ZCCHC17: variants seen among roughly 807,000 people sequenced by gnomAD.
The protein encoded by ZCCHC17 is zinc finger CCHC domain-containing protein 17.
A neutral mutation model predicts 30.6 loss-of-function variants in ZCCHC17; 18 were observed. That is an observed-to-expected ratio of 0.59 (90% confidence interval 0.41 to 0.87). The LOEUF is 0.87. Ranked by LOEUF, ZCCHC17 falls within the 40% of genes least tolerant of loss-of-function variation. The pLI is 0.00. For missense variants in ZCCHC17, 263 were observed against 284.2 expected, an observed-to-expected ratio of 0.93 and a Z score of 0.54; for synonymous variants, 88 against 92.4, an observed-to-expected ratio of 0.95 and a Z score of 0.27.
chr1:31,319,938 TA>T (rs1569801772), intron 3 of ZCCHC17, among the ~76,000 whole-genome samples: 1 of 152,200 alleles, frequency 6.6e-6, no homozygotes, highest in African/African-American at 2.4e-5. Flanking sequence ...ACATGAAAAT[TA>T]AAAACTTCAC....
At chr1:31,299,610 G>T (rs539338649) in intron 1 of ZCCHC17, among the ~76,000 whole-genome samples, 1 of 152,346 alleles carries the variant, frequency 6.6e-6, no homozygotes, top group Admixed American at 6.5e-5. Context: ...ATAGCTCCCT[G>T]GTTTGGTGGC....
intron 4 of ZCCHC17, among the ~76,000 whole-genome samples, chr1:31,337,588 T>C (rs749659441): frequency 1.3e-4 from 20 of 152,164 alleles, no homozygotes; most frequent in Non-Finnish European, 2.6e-4. Flanking sequence ...AGTTGACCTA[T>C]GGGACAAGTG....
chr1:31,322,068 A>C (rs1017992217), intron 3 of ZCCHC17, among the ~76,000 whole-genome samples: 1 of 152,230 alleles, frequency 6.6e-6, no homozygotes, highest in Non-Finnish European at 1.5e-5. Context: ...AAATACATAC[A>C]CATACAGAAA....
rs986830558 is a variant in ZCCHC17 at position 31,309,667 on chromosome 1, C to A, written c.-55-377C>A. ...TCTAGTGCTTAGCACAGTGCCTGGA[C>A]ATAGTAAGTGCTGCATTAATGTTTT... On this transcript the variant is annotated intron_variant, in intron 1 of 7. Coordinates refer to ENST00000344147, the MANE Select transcript of ZCCHC17 (RefSeq NM_016505.4). Among the ~76,000 whole-genome samples, 12 of 152,258 alleles carry A rather than the reference C, an allele frequency of 7.9e-5. No individual in the cohort carries two copies. The South Asian group carries it at 2.5e-3, about 32-fold the overall frequency.
At chr1:31,344,768 A>C (rs1381969435) in intron 5 of ZCCHC17, among the ~76,000 whole-genome samples, 1 of 152,234 alleles carries the variant, frequency 6.6e-6, no homozygotes, top group Non-Finnish European at 1.5e-5. Flanking sequence ...CTTGAAACTC[A>C]TCTCTACAAA....
chr1:31,364,300 A>G lies in ZCCHC17; in HGVS notation c.*107A>G. 6.9e-7 allele frequency: 1 copy of G among 1,448,082 alleles called. No homozygotes were observed. Among genetic ancestry groups the G allele is most frequent in the Non-Finnish European group, 9.1e-7 (1 of 1,098,202 alleles). 89.7% of individuals were successfully genotyped at this position (1,448,082 alleles called of 1,614,324 possible). A position where few individuals can be genotyped will look rare whatever the true frequency, so the allele number is the denominator to read the frequency against. On this transcript the variant is annotated 3_prime_UTR_variant, in exon 8 of 8. Coordinates refer to ENST00000344147, the MANE Select transcript of ZCCHC17 (RefSeq NM_016505.4). ...GAGAATATAGCCTCCCACCCCATTA[A>G]CTTCGCTCCCATGGGAGATGGCTTC...
intron 1 of ZCCHC17, among the ~76,000 whole-genome samples, chr1:31,302,635 A>C (rs575447229): frequency 4.7e-4 from 71 of 152,200 alleles, no homozygotes; most frequent in Non-Finnish European, 9.8e-4. Context: ...GAGACTGGGT[A>C]ATTATAAAGG....
intron 7 of ZCCHC17, among the ~76,000 whole-genome samples, chr1:31,359,744 T>C (rs1639794544): frequency 6.6e-6 from 1 of 152,176 alleles, no homozygotes. Context: ...GACCAGTGGC[T>C]TCCTTCCAGT....
chr1:31,350,174 A>G (rs924851347), intron 7 of ZCCHC17, among the ~76,000 whole-genome samples: 2 of 152,180 alleles, frequency 1.3e-5, no homozygotes, highest in East Asian at 1.9e-4. Flanking sequence ...TATTTCTTCT[A>G]TCGTGTAGGA....
At position 31,348,794 on chromosome 1, in the gene ZCCHC17, C is replaced by T. The variant is rs534456319; in HGVS notation, c.419-35C>T. Reference sequence around the variant, plus strand: ...CACTTGCTGAGAAGAGAGACTACTTCCTTTTTCTATACCTTTTCTACTTTT... The same window carrying T: ...CACTTGCTGAGAAGAGAGACTACTTTCTTTTTCTATACCTTTTCTACTTTT... On this transcript the variant is annotated intron_variant, in intron 6 of 7. Transcript: ENST00000344147. 118 of 1,611,722 alleles carry T rather than the reference C, an allele frequency of 7.3e-5. No individual in the cohort carries two copies. The South Asian group carries it at 1.3e-3, about 17-fold the overall frequency.
chr1:31,343,836 T>C (rs974871037), intron 5 of ZCCHC17, among the ~76,000 whole-genome samples: 2 of 146,550 alleles, frequency 1.4e-5, no homozygotes, highest in African/African-American at 2.6e-5. Flanking sequence ...CATGCCAGCA[T>C]GCCCCACTAA....
chr1:31,350,143 T>C (rs1639421628), intron 7 of ZCCHC17, among the ~76,000 whole-genome samples: 1 of 152,206 alleles, frequency 6.6e-6, no homozygotes, highest in Admixed American at 6.5e-5. Context: ...ATAAAAACTA[T>C]TCTGTAGGTT....
chr1:31,338,369 C>T (rs1264699354), intron 4 of ZCCHC17, among the ~76,000 whole-genome samples: 1 of 152,022 alleles, frequency 6.6e-6, no homozygotes, highest in African/African-American at 2.4e-5. Flanking sequence ...TTCTAGTTGT[C>T]AGGAAAGGAC....
intron 7 of ZCCHC17, among the ~76,000 whole-genome samples, chr1:31,360,164 C>CGTGTT (rs1012611058): frequency 1.0e-4 from 14 of 138,704 alleles, no homozygotes; most frequent in African/African-American, 4.1e-4. Context: ...TTTGTGTGTG[C>CGTGTT]GTGTTTTGTT....
intron 7 of ZCCHC17, among the ~76,000 whole-genome samples, chr1:31,355,212 A>G (rs1025384943): frequency 4.6e-5 from 7 of 151,212 alleles, no homozygotes; most frequent in South Asian, 4.2e-4. Context: ...ATCTTTGTGT[A>G]TATGAACTTC....
chr1:31,339,960 C>CTTTTTTTTTTTT lies in ZCCHC17; in HGVS notation c.317+925_317+936dup, dbSNP rs36008834. ...TCTGTCTCAAGTCTTTCTTGGATTT[C>CTTTTTTTTTTTT]TTTTTTTTTTTTTTTTTTTTTTTTG... On this transcript the variant is annotated intron_variant, in intron 5 of 7. Coordinates refer to ENST00000344147, the MANE Select transcript of ZCCHC17 (RefSeq NM_016505.4). Among the ~76,000 whole-genome samples the CTTTTTTTTTTTT allele has an allele frequency of 4.5e-4, 41 of 90,420 alleles. 2 individuals are homozygous for CTTTTTTTTTTTT. The highest frequency in any genetic ancestry group is 7.1e-4 in the Non-Finnish European group (32 of 44,908). The allele number at this position is 90,420 out of a possible 152,430, so 59.3% of individuals were successfully genotyped here. A position where few individuals can be genotyped will look rare whatever the true frequency, so the allele number is the denominator to read the frequency against.
chr1:31,311,312 C>T (rs1422362922), intron 2 of ZCCHC17, among the ~76,000 whole-genome samples: 3 of 152,120 alleles, frequency 2.0e-5, no homozygotes, highest in Non-Finnish European at 4.4e-5. Flanking sequence ...CAGACATGGA[C>T]CTTCCACAGC....
Position 31,319,168 on chromosome 1 carries a change from T to C in ZCCHC17, c.124+2T>C, listed in dbSNP as rs1317182581. The C allele has an allele frequency of 6.2e-7, 1 of 1,609,308 alleles. No homozygotes were observed. The highest frequency in any genetic ancestry group is 8.5e-7 in the Non-Finnish European group (1 of 1,176,430). ...AAATCCCAGGCTGTCGGAAGCAAGG[T>C]AGGAGTTTATAACTTGAAATTCAGC... On this transcript the variant is annotated splice_donor_variant, in intron 3 of 7. Coordinates refer to ENST00000344147, the MANE Select transcript of ZCCHC17 (RefSeq NM_016505.4). LOFTEE classifies it high-confidence loss of function.
At chr1:31,353,904 C>T (rs1188929643) in intron 7 of ZCCHC17, among the ~76,000 whole-genome samples, 2 of 152,124 alleles carry the variant, frequency 1.3e-5, no homozygotes, top group African/African-American at 2.4e-5. Flanking sequence ...TGTGGATCCT[C>T]CAGCTTTGTT....
Sources: gnomAD v4.1 joint callset for allele counts (sites outside exome capture counted in the v4.1 genomes callset) on GRCh38, gnomAD v4.1.1 for gene constraint, MANE v1.5 for transcripts, NCBI Gene and HGNC (gene_info 2026-07-23, HGNC 2026-07-21) for gene names.